Variants in NIBAN2 observed in about 807,000 individuals in gnomAD.
NIBAN2 encodes the protein niban apoptosis regulator 2, also known as protein Niban 2.
A neutral mutation model predicts 81.8 loss-of-function variants in NIBAN2; 36 were observed. The ratio of observed to expected loss-of-function variants is 0.44; its 90% confidence interval spans 0.34 to 0.58. The LOEUF is 0.58. Ranked by LOEUF, NIBAN2 falls within the 20% of genes least tolerant of loss-of-function variation. NIBAN2 has a pLI of 0.02. For missense variants in NIBAN2, 897 were observed against 1,014.1 expected (o/e 0.88, Z 1.57); for synonymous variants, 445 against 441.6 (o/e 1.01, Z -0.10).
Position 127,576,424 on chromosome 9 carries a change from C to T in NIBAN2, c.16+2498G>A, listed in dbSNP as rs186509718. On this transcript the variant is annotated intron_variant, in intron 1 of 13. Coordinates refer to the NIBAN2 transcript ENST00000373314. ...ACAGCACTGAAGTCAGGCAGGGGGC[C>T]GCTGAAGTGCCAGCAGACAGGCAGG... Among the ~76,000 whole-genome samples, 6 of 152,170 alleles carry T rather than the reference C, an allele frequency of 3.9e-5. No homozygotes were observed. In the East Asian group the frequency reaches 9.6e-4, roughly 24 times the overall value.
At chr9:127,566,004 T>C (rs1162934823) in intron 1 of NIBAN2, among the ~76,000 whole-genome samples, 2 of 148,660 alleles carry the variant, frequency 1.3e-5, no homozygotes, top group Non-Finnish European at 3.0e-5. Context: ...TGGTGGCGCA[T>C]GCCTGTAGTC....
rs145984968 is a variant in NIBAN2, at chr9:127,565,915, C to T, written c.55+2905G>A. ...AGGAGTTCAAGACCAACCTGGGCAA[C>T]ATAGGGAGACCCTGTCTCTCTCTCT... On this transcript the variant is annotated intron_variant, in intron 1 of 13. Transcript: ENST00000373312. Among the ~76,000 whole-genome samples the T allele has an allele frequency of 3.6e-4, 54 of 149,720 alleles. 1 individual carries two copies. The highest frequency in any genetic ancestry group is 1.3e-3 in the African/African-American group (52 of 40,516).
Position 127,506,827 on chromosome 9 carries a change from A to T in NIBAN2, c.*18T>A. 6.3e-7 allele frequency: 1 copy of T among 1,579,130 alleles called. No individual in the cohort carries two copies. The highest frequency in any genetic ancestry group is 8.6e-7 in the Non-Finnish European group (1 of 1,160,658). On this transcript the variant is annotated 3_prime_UTR_variant, in exon 14 of 14. Transcript: ENST00000373312. ...GGGAACGGCCTGTGCCATGTGCAGC[A>T]GTCAGGGACCCACTGGCCTAGAACT...
At chr9:127,579,016 T>C, upstream of NIBAN2, 3 of 1,359,564 alleles carry the variant, frequency 2.2e-6, no homozygotes, top group South Asian at 2.5e-5. Flanking sequence ...TGAGAGCTGT[T>C]TGCTGCTGAG....
At chr9:127,526,405 AAAAAAAAAAAG>A (rs1437798693) in intron 3 of NIBAN2, among the ~76,000 whole-genome samples, 3 of 151,258 alleles carry the variant, frequency 2.0e-5, no homozygotes, top group Non-Finnish European at 4.4e-5. Context: ...TCTCAAAAAA[AAAAAAAAAAAG>A]AAAAAAAAAA....
intron 1 of NIBAN2, among the ~76,000 whole-genome samples, chr9:127,554,249 C>G (rs1295421560): frequency 1.3e-5 from 2 of 152,212 alleles, no homozygotes; most frequent in African/African-American, 2.4e-5. Context: ...TTGCCTGGCA[C>G]TCAAGGCTGT....
rs1203521659 is a variant in NIBAN2 at position 127,505,897 on chromosome 9, C to G, written c.*948G>C. On this transcript the variant is annotated 3_prime_UTR_variant, in exon 14 of 14. Coordinates refer to ENST00000373312, the MANE Select transcript of NIBAN2 (RefSeq NM_022833.4). ...TCAGGGAGGGCCCACCCAACCTGTA[C>G]CCCTCAGGAGCCCCGTCCGGCTCCC... The G allele has an allele frequency of 6.6e-6, 1 of 152,428 alleles. No individual in the cohort carries two copies. Among genetic ancestry groups the G allele is most frequent in the East Asian group, 1.9e-4 (1 of 5,202 alleles). 9.4% of individuals were successfully genotyped at this position (152,428 alleles called of 1,614,324 possible).
chr9:127,541,953 G>A (rs369181010), intron 1 of NIBAN2, among the ~76,000 whole-genome samples: 2 of 152,068 alleles, frequency 1.3e-5, no homozygotes, highest in African/African-American at 4.8e-5. Flanking sequence ...GCACCCAGGG[G>A]CCAGTCAAGT....
upstream of NIBAN2, among the ~76,000 whole-genome samples, chr9:127,569,864 G>A (rs546396074): frequency 2.2e-4 from 34 of 152,360 alleles, no homozygotes; most frequent in South Asian, 7.0e-3. Flanking sequence ...GGAAAAAGCA[G>A]TAGCACTTTA....
At chr9:127,535,498 G>GA (rs1352827678) in intron 1 of NIBAN2, among the ~76,000 whole-genome samples, 1 of 152,158 alleles carries the variant, frequency 6.6e-6, no homozygotes, top group African/African-American at 2.4e-5. Flanking sequence ...GAGGAAGGGA[G>GA]ACATGGGAGT....
At chr9:127,573,362 A>G (rs575070776), upstream of NIBAN2, among the ~76,000 whole-genome samples, 24 of 151,598 alleles carry the variant, frequency 1.6e-4, no homozygotes, top group African/African-American at 5.8e-4. Flanking sequence ...AACTTTCTCA[A>G]CTCTCTCTAC....
intron 1 of NIBAN2, 91 bp from the exon 2 acceptor site, chr9:127,531,869 CA>C: frequency 6.5e-7 from 1 of 1,530,246 alleles, no homozygotes; most frequent in Non-Finnish European, 8.9e-7. Flanking sequence ...TGCAAAGCCC[CA>C]AATTCCTGCA....
upstream of NIBAN2, chr9:127,569,191 A>T: frequency 2.3e-6 from 1 of 440,966 alleles, no homozygotes; most frequent in South Asian, 1.1e-4. Flanking sequence ...GCCGCGTCCC[A>T]CCCCGCCCCG....
rs1230242603 is a variant in NIBAN2 at position 127,554,548 on chromosome 9, C to CTTTTTTTTTT, written c.55+14262_55+14271dup. ...GGGTTATTCTTTTCTTTTTCTTTTT[C>CTTTTTTTTTT]TTTTTTTTTTTTTTTTTTTTTTTGC... On this transcript the variant is annotated intron_variant, in intron 1 of 13. Transcript: ENST00000373312. Among the ~76,000 whole-genome samples, 1,009 of 103,710 alleles carry CTTTTTTTTTT rather than the reference C, an allele frequency of 9.7e-3. 2 individuals are homozygous for CTTTTTTTTTT. The highest frequency in any genetic ancestry group is 0.011 in the Non-Finnish European group (581 of 54,344). 68.0% of individuals were successfully genotyped at this position (103,710 alleles called of 152,430 possible). A position where few individuals can be genotyped will look rare whatever the true frequency, so the allele number is the denominator to read the frequency against.
At chr9:127,525,792 T>G (rs1201058804) in intron 3 of NIBAN2, among the ~76,000 whole-genome samples, 1 of 152,186 alleles carries the variant, frequency 6.6e-6, no homozygotes, top group Non-Finnish European at 1.5e-5. Context: ...GTAGCAGATG[T>G]AGGACATGAA....
chr9:127,531,410 G>C (rs537881854), intron 2 of NIBAN2, among the ~76,000 whole-genome samples: 1 of 152,118 alleles, frequency 6.6e-6, no homozygotes, highest in Non-Finnish European at 1.5e-5. Context: ...CTTGAACCTG[G>C]GAGGCGGAGG....
rs186706978 is a variant in NIBAN2, at chr9:127,561,040, A to G, written c.55+7780T>C. 5.1e-3 allele frequency: 4,311 copies of G among 848,030 alleles called. 11 individuals are homozygous for G. The highest frequency in any genetic ancestry group is 5.7e-3 in the Non-Finnish European group (4,013 of 704,368). The allele number at this position is 848,030 out of a possible 1,614,324, so 52.5% of individuals were successfully genotyped here. ...AAGGCTTACAAGTCTAGTTCTTGAC[A>G]CATGGGTGGGCAAGGAGGGAGCATG... On this transcript the variant is annotated intron_variant, in intron 1 of 13. Coordinates refer to ENST00000373312, the MANE Select transcript of NIBAN2 (RefSeq NM_022833.4).
At chr9:127,569,306 A>T (rs1436979760), upstream of NIBAN2, among the ~76,000 whole-genome samples, 6 of 149,808 alleles carry the variant, frequency 4.0e-5, no homozygotes, top group African/African-American at 1.5e-4. Flanking sequence ...GGCGGGGCAC[A>T]GGGGCGGTGG....
rs555728850 is a variant in NIBAN2 at position 127,536,558 on chromosome 9, G to A, written c.56-4780C>T. Among the ~76,000 whole-genome samples the A allele has an allele frequency of 1.4e-4, 21 of 152,322 alleles. No homozygotes were observed. Among genetic ancestry groups the A allele is most frequent in the Admixed American group, 3.3e-4 (5 of 15,300 alleles). On this transcript the variant is annotated intron_variant, in intron 1 of 13. Transcript: ENST00000373312. The surrounding 1 kb of genome is among the most constrained non-coding windows in gnomAD (Gnocchi z 4.0). ...GGGTGTCTGTGGGGGTCCTGAGCCCGGGCACCCCTCTTTCCTCCATACTTG... is the reference window on the plus strand; with the variant it reads ...GGGTGTCTGTGGGGGTCCTGAGCCCAGGCACCCCTCTTTCCTCCATACTTG...
Sources: allele counts gnomAD v4.1 joint callset (sites outside exome capture counted in the v4.1 genomes callset), GRCh38; gene constraint gnomAD v4.1.1; non-coding constraint Gnocchi (gnomAD v3.1); transcripts MANE v1.5; gene names NCBI Gene and HGNC (gene_info 2026-07-23, HGNC 2026-07-21).